SLC8A1: variants seen among roughly 807,000 people sequenced by gnomAD.
SLC8A1 encodes solute carrier family 8 member A1.
A neutral mutation model predicts 68.3 loss-of-function variants in SLC8A1; 18 were observed. That is an observed-to-expected ratio of 0.26 (90% confidence interval 0.18 to 0.39). The LOEUF (loss-of-function observed/expected upper bound fraction) is 0.39. Ranked by LOEUF, SLC8A1 falls within the 10% of genes least tolerant of loss-of-function variation. The probability of loss-of-function intolerance (pLI) is 1.00; values close to 1 mark genes in which losing one functional copy is unlikely to be tolerated. For synonymous variants in SLC8A1, 475 were observed against 415.5 expected, an observed-to-expected ratio of 1.14 and a Z score of -1.74; for missense variants, 985 against 1,156.7, an observed-to-expected ratio of 0.85 and a Z score of 2.15.
chr2:40,302,699 A>C, intron 2 of SLC8A1, among the ~76,000 whole-genome samples: 1 of 152,068 alleles, frequency 6.6e-6, no homozygotes, highest in East Asian at 1.9e-4. Context: ...TGCTATAAAC[A>C]TGCATGTGCA....
intron 2 of SLC8A1, among the ~76,000 whole-genome samples, chr2:40,356,964 A>G (rs1442910671): frequency 5.3e-5 from 8 of 152,206 alleles, no homozygotes; most frequent in Non-Finnish European, 2.9e-5. Flanking sequence ...ATCTTGCCCT[A>G]TTATAAACAA....
At chr2:40,245,972 C>G (rs2061813418) in intron 2 of SLC8A1, among the ~76,000 whole-genome samples, 1 of 152,152 alleles carries the variant, frequency 6.6e-6, no homozygotes, top group Admixed American at 6.5e-5. Flanking sequence ...GAGCTAGGAC[C>G]CTACAGGTCC....
chr2:40,337,741 A>G (rs914739905), intron 2 of SLC8A1, among the ~76,000 whole-genome samples: 1 of 152,090 alleles, frequency 6.6e-6, no homozygotes. Context: ...AATTCCTTCT[A>G]TTCATGGAGA....
At chr2:40,332,844 T>C (rs60637114) in intron 2 of SLC8A1, among the ~76,000 whole-genome samples, 2,694 of 152,304 alleles carry the variant, frequency 0.018, 82 homozygotes, top group African/African-American at 0.061. Flanking sequence ...CAAACCAATA[T>C]ATTTTAAATA....
intron 2 of SLC8A1, among the ~76,000 whole-genome samples, chr2:40,421,052 A>G (rs1695364051): frequency 6.6e-6 from 1 of 152,140 alleles, no homozygotes; most frequent in African/African-American, 2.4e-5. Context: ...AATAAATCTT[A>G]GTGCCATCAC....
intron 2 of SLC8A1, among the ~76,000 whole-genome samples, chr2:40,356,756 G>A (rs1321323226): frequency 2.0e-5 from 3 of 152,142 alleles, no homozygotes; most frequent in Non-Finnish European, 4.4e-5. Flanking sequence ...AAATCGGCCT[G>A]CTTTTTCAGG....
intron 2 of SLC8A1, among the ~76,000 whole-genome samples, chr2:40,398,244 C>A (rs950850466): frequency 6.6e-6 from 1 of 152,166 alleles, no homozygotes; most frequent in Non-Finnish European, 1.5e-5. Context: ...TTCAATTCCT[C>A]TTGCTGATCT....
chr2:40,180,814 A>G (rs2049373281), intron 2 of SLC8A1, among the ~76,000 whole-genome samples: 1 of 152,242 alleles, frequency 6.6e-6, no homozygotes, highest in South Asian at 2.1e-4. Flanking sequence ...TAGCCTTGCT[A>G]ATAGGGTGAA....
At chr2:40,182,228 A>C (rs573664535) in intron 2 of SLC8A1, among the ~76,000 whole-genome samples, 14 of 152,226 alleles carry the variant, frequency 9.2e-5, no homozygotes, top group Non-Finnish European at 1.9e-4. Flanking sequence ...TCCTTCATCC[A>C]AATATAATTC....
intron 6 of SLC8A1, among the ~76,000 whole-genome samples, chr2:40,143,045 A>G (rs988579564): frequency 8.5e-5 from 13 of 152,252 alleles, no homozygotes; most frequent in Middle Eastern, 3.4e-3. Context: ...GTTTTAATGC[A>G]TAAGTCTGGA....
At chr2:40,240,213 T>C (rs1188774594) in intron 2 of SLC8A1, among the ~76,000 whole-genome samples, 5 of 152,120 alleles carry the variant, frequency 3.3e-5, no homozygotes, top group Non-Finnish European at 5.9e-5. Context: ...ATACAGAGAG[T>C]ACTTATTATG....
intron 6 of SLC8A1, 142 bp from the exon 10 acceptor site, chr2:40,139,818 C>A (rs944967536): frequency 2.4e-6 from 2 of 816,390 alleles, no homozygotes; most frequent in Non-Finnish European, 2.0e-6. Flanking sequence ...TAGGGTTTTC[C>A]AAGAGTTAAT....
chr2:40,245,237 G>A (rs1372659960), intron 2 of SLC8A1, among the ~76,000 whole-genome samples: 22 of 152,178 alleles, frequency 1.4e-4, no homozygotes, highest in Admixed American at 1.3e-3. Context: ...TTCATGTACA[G>A]GTCTCTCTCT....
chr2:40,126,729 A>C (rs955300706), intron 7 of SLC8A1, among the ~76,000 whole-genome samples: 1 of 151,794 alleles, frequency 6.6e-6, no homozygotes, highest in African/African-American at 2.4e-5. Flanking sequence ...CCACATAAAC[A>C]CTCTCCATTC....
intron 3 of SLC8A1, 105 bp from the exon 4 acceptor site, chr2:40,175,386 T>C: frequency 8.8e-7 from 1 of 1,130,930 alleles, no homozygotes; most frequent in Non-Finnish European, 1.3e-6. Flanking sequence ...CTGATTACAG[T>C]GGTAGGGAGC....
chr2:40,484,835 A>G (rs549096956), intron 1 of SLC8A1, among the ~76,000 whole-genome samples: 2 of 152,234 alleles, frequency 1.3e-5, no homozygotes, highest in Non-Finnish European at 2.9e-5. Flanking sequence ...GGTTCTATAC[A>G]TGAGGGTCAC....
intron 2 of SLC8A1, among the ~76,000 whole-genome samples, chr2:40,256,767 G>C (rs2063992109): frequency 6.6e-6 from 1 of 152,158 alleles, no homozygotes; most frequent in Non-Finnish European, 1.5e-5. Context: ...ACACACTTTA[G>C]GCCTGCAGGA....
intron 2 of SLC8A1, among the ~76,000 whole-genome samples, chr2:40,292,248 C>T (rs144960818): frequency 6.6e-6 from 1 of 152,086 alleles, no homozygotes; most frequent in Non-Finnish European, 1.5e-5. Flanking sequence ...CTTTTGTACC[C>T]CTGATGCTAA....
chr2:40,231,250 T>C (rs773396356), intron 2 of SLC8A1, among the ~76,000 whole-genome samples: 36 of 152,280 alleles, frequency 2.4e-4, no homozygotes, highest in Non-Finnish European at 4.3e-4. Context: ...AGTTAAATTC[T>C]GAAGAGTGTA....
Sources: allele counts gnomAD v4.1 joint callset (sites outside exome capture counted in the v4.1 genomes callset), GRCh38; gene constraint gnomAD v4.1.1; transcripts MANE v1.5; gene names NCBI Gene and HGNC (gene_info 2026-07-23, HGNC 2026-07-21).